The following DLGAP1 variants were observed in gnomAD, a reference collection of about 807,000 sequenced individuals.
DLGAP1 encodes the protein disks large-associated protein 1.
In DLGAP1, 11 loss-of-function variants were observed where a neutral mutation model predicts 90.8. That is an observed-to-expected ratio of 0.12 (90% CI 0.08 to 0.20). The LOEUF is 0.20. DLGAP1 is among the 10% of genes least tolerant of loss of function. The probability of loss-of-function intolerance (pLI) is 1.00; values close to 1 mark genes in which losing one functional copy is unlikely to be tolerated. For missense variants in DLGAP1, 1,050 were observed against 1,333.8 expected, an observed-to-expected ratio of 0.79 and a Z score of 3.31; for synonymous variants, 558 against 540.7, an observed-to-expected ratio of 1.03 and a Z score of -0.44.
chr18:3,534,690 CTTTCTTT>C, intron 9 of DLGAP1, 75 bp from the exon 10 acceptor site: 3 of 1,174,390 alleles, frequency 2.6e-6, no homozygotes, highest in Non-Finnish European at 3.4e-6. Context: ...TCCTTCCTTT[CTTTCTTT>C]TTTTTTTTTT....
intron 5 of DLGAP1, among the ~76,000 whole-genome samples, chr18:3,766,603 G>C (rs2064256460): frequency 6.6e-6 from 1 of 151,944 alleles, no homozygotes; most frequent in Admixed American, 6.5e-5. Context: ...AAACTTGAAA[G>C]AACTGAAATA....
In DLGAP1 at chr18:4,306,033, TACACACACACACAC is replaced by T. The variant is rs3041181; in HGVS notation, c.-267+148959_-267+148972del. ...ACACACACACACAGACACACACAAA[TACACACACACACAC>T]ACACACACACACACACACGGGGGAG... On this transcript the variant is annotated intron_variant, in intron 1 of 12. Coordinates refer to ENST00000315677, the MANE Select transcript of DLGAP1 (RefSeq NM_004746.4). Among the ~76,000 whole-genome samples, 244 of 141,784 alleles carry T rather than the reference TACACACACACACAC, an allele frequency of 1.7e-3. 2 individuals carry two copies. The highest frequency in any genetic ancestry group is 4.4e-3 in the African/African-American group (163 of 36,886). The allele number at this position is 141,784 out of a possible 152,430, so 93.0% of individuals were successfully genotyped here. A position where few individuals can be genotyped will look rare whatever the true frequency, so the allele number is the denominator to read the frequency against.
chr18:3,826,411 T>G (rs903267950), intron 4 of DLGAP1, among the ~76,000 whole-genome samples: 5 of 150,668 alleles, frequency 3.3e-5, no homozygotes, highest in Non-Finnish European at 5.9e-5. Context: ...GGAGGAGAGG[T>G]GGGTGGTGGG....
At chr18:4,176,024 G>T (rs1306370656) in intron 1 of DLGAP1, among the ~76,000 whole-genome samples, 3 of 152,248 alleles carry the variant, frequency 2.0e-5, no homozygotes, top group Middle Eastern at 6.8e-3. Context: ...GGGCAGTATG[G>T]CCATTTTCAT....
At chr18:4,193,996 ATT>A (rs889476308) in intron 1 of DLGAP1, among the ~76,000 whole-genome samples, 1 of 151,904 alleles carries the variant, frequency 6.6e-6, no homozygotes, top group African/African-American at 2.4e-5. Context: ...TAATTTCAAA[ATT>A]TTTTTTCAAA....
intron 7 of DLGAP1, among the ~76,000 whole-genome samples, chr18:3,611,217 A>G (rs577784152): frequency 3.6e-4 from 55 of 152,064 alleles, no homozygotes; most frequent in African/African-American, 1.3e-3. Flanking sequence ...CTTCAGGGGG[A>G]AAATGTAAAC....
chr18:4,364,711 T>C (rs572782895), intron 1 of DLGAP1, among the ~76,000 whole-genome samples: 1 of 152,310 alleles, frequency 6.6e-6, no homozygotes, highest in African/African-American at 2.4e-5. Context: ...TGGGATTTGT[T>C]TGCTCTTGGT....
rs184569585 is a variant in DLGAP1 at position 4,329,157 on chromosome 18, A to T, written c.-267+125849T>A. Among the ~76,000 whole-genome samples, 148 of 152,052 alleles carry T rather than the reference A, an allele frequency of 9.7e-4. 1 individual carries two copies. The highest frequency in any genetic ancestry group is 1.8e-3 in the Non-Finnish European group (119 of 67,840). On this transcript the variant is annotated intron_variant, in intron 1 of 12. Coordinates refer to ENST00000315677, the MANE Select transcript of DLGAP1 (RefSeq NM_004746.4). ...TAGTTCACTGCTCTCTATATAGTTT[A>T]TAGCTCTATAAACCAGTTTGAATTG...
At chr18:3,704,650 AT>A (rs575949322) in intron 7 of DLGAP1, among the ~76,000 whole-genome samples, 1,641 of 148,624 alleles carry the variant, frequency 0.011, 52 homozygotes, top group Admixed American at 0.066. Context: ...CCATTGCTTG[AT>A]TTTTTTTTTT....
intron 1 of DLGAP1, among the ~76,000 whole-genome samples, chr18:4,363,575 C>T (rs1201648322): frequency 2.0e-5 from 3 of 152,062 alleles, no homozygotes; most frequent in East Asian, 3.9e-4. Flanking sequence ...AACAAACAAC[C>T]CCATCAAAAA....
intron 1 of DLGAP1, among the ~76,000 whole-genome samples, chr18:4,412,974 C>T (rs1255082868): frequency 6.6e-6 from 1 of 152,122 alleles, no homozygotes; most frequent in African/African-American, 2.4e-5. Context: ...TATTACAGAG[C>T]GCCAAGCCCA....
chr18:4,391,665 A>T (rs1447638536), intron 1 of DLGAP1, among the ~76,000 whole-genome samples: 3 of 151,986 alleles, frequency 2.0e-5, no homozygotes, highest in Non-Finnish European at 4.4e-5. Context: ...TAGAAGCATA[A>T]ACCTTCAGGA....
At chr18:4,406,968 A>T (rs2082676725) in intron 1 of DLGAP1, among the ~76,000 whole-genome samples, 1 of 152,176 alleles carries the variant, frequency 6.6e-6, no homozygotes, top group Non-Finnish European at 1.5e-5. Flanking sequence ...CACTCAAAAG[A>T]AGTTGATGAT....
intron 4 of DLGAP1, chr18:3,878,158 A>T (rs1233686596): frequency 1.5e-5 from 2 of 132,720 alleles, no homozygotes; most frequent in Non-Finnish European, 1.6e-5. Context: ...TTTATAGCTC[A>T]GTAATTTTTT....
chr18:3,772,338 CTCTCTCTCTCTT>C (rs1460101514), intron 5 of DLGAP1, among the ~76,000 whole-genome samples: 6 of 42,280 alleles, frequency 1.4e-4, no homozygotes, highest in African/African-American at 5.0e-4. Flanking sequence ...CTCCTTCTCT[CTCTCTCTCTCTT>C]TCTTTCTTTC....
At chr18:3,535,885 A>T (rs1192031476) in intron 9 of DLGAP1, among the ~76,000 whole-genome samples, 2 of 151,834 alleles carry the variant, frequency 1.3e-5, no homozygotes, top group Non-Finnish European at 2.9e-5. Context: ...TACAAAAAAA[A>T]TTAGCTGGGC....
intron 5 of DLGAP1, among the ~76,000 whole-genome samples, chr18:3,752,271 C>G (rs1207075695): frequency 6.6e-6 from 1 of 152,088 alleles, no homozygotes; most frequent in African/African-American, 2.4e-5. Flanking sequence ...TTAGTATATT[C>G]ATAGAATTAT....
chr18:3,741,021 CA>C (rs2062911306), intron 6 of DLGAP1, among the ~76,000 whole-genome samples: 2 of 79,618 alleles, frequency 2.5e-5, no homozygotes, highest in Non-Finnish European at 5.1e-5. Context: ...CCACCATCAC[CA>C]CCACCACCAC....
chr18:4,314,954 T>C (rs1568508672), intron 1 of DLGAP1, among the ~76,000 whole-genome samples: 1 of 152,206 alleles, frequency 6.6e-6, no homozygotes, highest in Non-Finnish European at 1.5e-5. Flanking sequence ...ATGAGAAACA[T>C]TTATCTAAAG....
Sources: gnomAD v4.1 joint callset for allele counts (sites outside exome capture counted in the v4.1 genomes callset) on GRCh38, gnomAD v4.1.1 for gene constraint, MANE v1.5 for transcripts, NCBI Gene and HGNC (gene_info 2026-07-23, HGNC 2026-07-21) for gene names.